The following CRY1 variants were observed in gnomAD, a reference collection of about 807,000 sequenced individuals.
The protein encoded by CRY1 is cryptochrome-1.
In CRY1, 45 loss-of-function variants were observed where a neutral mutation model predicts 76.0. The observed-to-expected ratio is 0.59, with a 90% CI of 0.47 to 0.76. CRY1 has a LOEUF of 0.76. Among genes scored for constraint, CRY1 ranks in the 30% least tolerant of loss-of-function variants. The pLI is 0.00. For synonymous variants in CRY1, 248 were observed against 244.0 expected (o/e 1.02, Z -0.15); for missense variants, 587 against 716.4 (o/e 0.82, Z 2.06).
intron 1 of CRY1, among the ~76,000 whole-genome samples, chr12:107,031,370 C>CTTT (rs1190940981): frequency 3.0e-5 from 4 of 134,888 alleles, no homozygotes; most frequent in Non-Finnish European, 6.5e-5. Context: ...AGACATAAAT[C>CTTT]TTTTTTTTTT....
In CRY1 at chr12:107,001,942, T is replaced by C; in HGVS notation, c.417A>G (p.Ile139Met). 1.3e-6 allele frequency: 2 copies of C among 1,582,892 alleles called. No homozygotes were observed. The highest frequency in any genetic ancestry group is 1.7e-6 in the Non-Finnish European group (2 of 1,171,170). ...SHTLYDLDKI[I>M]ELNGGQPPLT... ...GAGGCGGTTGTCCACCATTGAGTTC[T>C]ATGATCCTATAACAAGAGTTAGTAA... The change falls in exon 4 of 13, where the codon ATA becomes ATG. Residue 139 changes from isoleucine (I) to methionine (M), a missense_variant. By Grantham distance (10) the Ile-to-Met change is conservative. Transcript: ENST00000008527.
At chr12:107,049,020 A>C (rs1952883865) in intron 1 of CRY1, among the ~76,000 whole-genome samples, 1 of 152,222 alleles carries the variant, frequency 6.6e-6, no homozygotes, top group South Asian at 2.1e-4. Context: ...TACTTGTGGC[A>C]CACTTCTAAA....
At chr12:107,087,014 A>C (rs1565848648) in intron 1 of CRY1, among the ~76,000 whole-genome samples, 1 of 152,026 alleles carries the variant, frequency 6.6e-6, no homozygotes, top group East Asian at 1.9e-4. Flanking sequence ...GAAAGAAAGA[A>C]AAAGAAAGAA....
chr12:107,091,310 G>A (rs888104800), intron 1 of CRY1, among the ~76,000 whole-genome samples: 1 of 152,154 alleles, frequency 6.6e-6, no homozygotes, highest in Non-Finnish European at 1.5e-5. Context: ...TTACAGGGAT[G>A]AGCCACCGCG....
intron 1 of CRY1, among the ~76,000 whole-genome samples, chr12:107,079,300 T>G (rs887160668): frequency 6.6e-6 from 1 of 152,134 alleles, no homozygotes; most frequent in East Asian, 1.9e-4. Context: ...GCCAAAGGTG[T>G]ATGCTTTTTG....
intron 3 of CRY1, among the ~76,000 whole-genome samples, chr12:107,003,679 TG>T (rs769284157): frequency 1.3e-5 from 2 of 152,214 alleles, no homozygotes; most frequent in Admixed American, 6.5e-5. Context: ...ATAATACTAC[TG>T]AGGACATTGT....
intron 1 of CRY1, among the ~76,000 whole-genome samples, chr12:107,062,938 T>C (rs1953064506): frequency 6.6e-6 from 1 of 152,240 alleles, no homozygotes; most frequent in Non-Finnish European, 1.5e-5. Context: ...AACTTGACTA[T>C]CATTTGCTTC....
intron 2 of CRY1, among the ~76,000 whole-genome samples, chr12:107,012,459 G>T (rs567747727): frequency 3.9e-5 from 6 of 152,270 alleles, no homozygotes; most frequent in African/African-American, 9.6e-5. Context: ...TACTCAGAAA[G>T]AAAGACTCCT....
At chr12:107,019,679 C>G (rs1952532383) in intron 2 of CRY1, among the ~76,000 whole-genome samples, 2 of 152,018 alleles carry the variant, frequency 1.3e-5, no homozygotes, top group African/African-American at 2.4e-5. Context: ...GCCTGTAATC[C>G]CAGTGCTTTG....
intron 7 of CRY1, among the ~76,000 whole-genome samples, chr12:106,998,521 T>C (rs575547923): frequency 6.6e-6 from 1 of 152,256 alleles, no homozygotes; most frequent in South Asian, 2.1e-4. Flanking sequence ...AAATATATAC[T>C]AGCATTACAT....
intron 1 of CRY1, among the ~76,000 whole-genome samples, chr12:107,031,640 A>G (rs777718900): frequency 4.1e-4 from 62 of 152,340 alleles, no homozygotes; most frequent in Non-Finnish European, 7.8e-4. Context: ...ATGTGATGAG[A>G]AAACCATTTC....
chr12:107,015,524 T>G (rs1272469437), intron 2 of CRY1, among the ~76,000 whole-genome samples: 1 of 152,126 alleles, frequency 6.6e-6, no homozygotes, highest in Admixed American at 6.5e-5. Flanking sequence ...TTAAAAATTT[T>G]TGTAGAGATG....
intron 1 of CRY1, among the ~76,000 whole-genome samples, chr12:107,028,106 TATTATCCACATAAA>T (rs1423019236): frequency 6.6e-6 from 1 of 152,098 alleles, no homozygotes; most frequent in African/African-American, 2.4e-5. Flanking sequence ...AGAATAACCT[TATTATCCACATAAA>T]ACAAGAGTTA....
At chr12:107,026,374 G>C (rs889558297) in intron 1 of CRY1, among the ~76,000 whole-genome samples, 2 of 150,818 alleles carry the variant, frequency 1.3e-5, no homozygotes, top group African/African-American at 4.9e-5. Flanking sequence ...TGGGATTACA[G>C]GAGTGTGCTA....
chr12:107,029,016 T>C (rs1322634187), intron 1 of CRY1, among the ~76,000 whole-genome samples: 1 of 152,228 alleles, frequency 6.6e-6, no homozygotes, highest in Non-Finnish European at 1.5e-5. Flanking sequence ...TTCACTTACA[T>C]TAAACATCTG....
chr12:107,037,465 G>A (rs1952747961), intron 1 of CRY1, among the ~76,000 whole-genome samples: 1 of 152,020 alleles, frequency 6.6e-6, no homozygotes, highest in Non-Finnish European at 1.5e-5. Context: ...CTGGGAGGTG[G>A]AGGTTGCAGT....
chr12:107,017,454 T>C (rs1952508865), intron 2 of CRY1, among the ~76,000 whole-genome samples: 1 of 152,252 alleles, frequency 6.6e-6, no homozygotes, highest in South Asian at 2.1e-4. Context: ...CTCATGAGGC[T>C]GCAATTCGCT....
chr12:107,049,521 C>T (rs140529775), intron 1 of CRY1, among the ~76,000 whole-genome samples: 2,570 of 152,104 alleles, frequency 0.017, 78 homozygotes, highest in African/African-American at 0.059. Context: ...ACTACAGGCA[C>T]GTGCCACCAA....
chr12:107,001,996 C>A, intron 3 of CRY1, 48 bp from the exon 4 acceptor site: 1 of 1,485,120 alleles, frequency 6.7e-7, no homozygotes, highest in Non-Finnish European at 9.0e-7. Context: ...AAAGACAATA[C>A]ATTTTGGCTA....
Sources: gnomAD v4.1 joint callset for allele counts (sites outside exome capture counted in the v4.1 genomes callset) on GRCh38, gnomAD v4.1.1 for gene constraint, MANE v1.5 for transcripts, NCBI Gene and HGNC (gene_info 2026-07-23, HGNC 2026-07-21) for gene names.